The following SLC35F4 variants were observed in gnomAD, a reference collection of about 807,000 sequenced individuals.
The protein encoded by SLC35F4 is solute carrier family 35 member F4.
SLC35F4 carries 24 observed loss-of-function variants against 44.2 expected under a neutral mutation model. That is an observed-to-expected ratio of 0.54 (90% CI 0.39 to 0.76). The LOEUF (loss-of-function observed/expected upper bound fraction) is 0.76. SLC35F4 is among the 30% of genes least tolerant of loss of function. The pLI is 0.00. For missense variants in SLC35F4, 562 were observed against 586.1 expected (o/e 0.96, Z 0.42); for synonymous variants, 238 against 223.6 (o/e 1.06, Z -0.57).
At chr14:57,686,177 C>T (rs1345243657) in intron 1 of SLC35F4, among the ~76,000 whole-genome samples, 1 of 152,090 alleles carries the variant, frequency 6.6e-6, no homozygotes, top group Non-Finnish European at 1.5e-5. Context: ...GGCGTTGATT[C>T]TCATATTACT....
intron 1 of SLC35F4, among the ~76,000 whole-genome samples, chr14:57,908,683 G>T (rs528204534): frequency 6.6e-6 from 1 of 152,080 alleles, no homozygotes; most frequent in Non-Finnish European, 1.5e-5. Context: ...CTGGATATTA[G>T]CCATTTGGCA....
intron 1 of SLC35F4, among the ~76,000 whole-genome samples, chr14:57,715,847 T>G (rs2075925481): frequency 6.6e-6 from 1 of 152,046 alleles, no homozygotes; most frequent in Middle Eastern, 3.4e-3. Flanking sequence ...ATGGCATAGG[T>G]ATATGCCAAG....
intron 1 of SLC35F4, among the ~76,000 whole-genome samples, chr14:57,898,964 C>T (rs1240823056): frequency 6.6e-6 from 1 of 152,090 alleles, no homozygotes; most frequent in Non-Finnish European, 1.5e-5. Flanking sequence ...TATCTTGCTC[C>T]TAGTTGCCAT....
intron 1 of SLC35F4, among the ~76,000 whole-genome samples, chr14:57,602,989 C>G (rs1451850668): frequency 6.6e-6 from 1 of 152,140 alleles, no homozygotes. Flanking sequence ...TACCTCTTAC[C>G]TTGTCCAGAC....
rs150547521 is a variant in SLC35F4, at chr14:57,594,733, G to T, written c.104-609C>A. On this transcript the variant is annotated intron_variant, in intron 1 of 7. Coordinates refer to ENST00000556826, the MANE Select transcript of SLC35F4 (RefSeq NM_001306087.2). ...TTCCTAACTGGTAAAACTGCCAACA[G>T]TGTTTCCAACAAACTGACTATACAC... Among the ~76,000 whole-genome samples the T allele has an allele frequency of 1.6e-3, 246 of 152,286 alleles. 2 individuals are homozygous for T. Among genetic ancestry groups the T allele is most frequent in the Middle Eastern group, 6.8e-3 (2 of 294 alleles).
At chr14:57,791,432 A>G (rs1223034109) in intron 1 of SLC35F4, among the ~76,000 whole-genome samples, 1 of 152,234 alleles carries the variant, frequency 6.6e-6, no homozygotes, top group African/African-American at 2.4e-5. Flanking sequence ...ACAATGAAAT[A>G]CCATCTCATA....
At chr14:57,606,143 A>G (rs1205955625) in intron 1 of SLC35F4, among the ~76,000 whole-genome samples, 1 of 152,218 alleles carries the variant, frequency 6.6e-6, no homozygotes, top group Non-Finnish European at 1.5e-5. Flanking sequence ...AGTCTATGCT[A>G]TATGAAGAAA....
At chr14:57,594,895 G>A (rs2070403476) in intron 1 of SLC35F4, among the ~76,000 whole-genome samples, 1 of 152,122 alleles carries the variant, frequency 6.6e-6, no homozygotes, top group Admixed American at 6.5e-5. Context: ...CAGCCTCATG[G>A]GTCTGCAGCC....
chr14:57,844,020 G>A (rs1051298006), intron 1 of SLC35F4, among the ~76,000 whole-genome samples: 1 of 152,016 alleles, frequency 6.6e-6, no homozygotes, highest in African/African-American at 2.4e-5. Flanking sequence ...TGTTTCCCTT[G>A]TACTCCCCCA....
At chr14:57,676,390 T>C (rs1301649986) in intron 1 of SLC35F4, among the ~76,000 whole-genome samples, 1 of 151,874 alleles carries the variant, frequency 6.6e-6, no homozygotes, top group East Asian at 1.9e-4. Flanking sequence ...TGAGAACACA[T>C]GGACGCAGGG....
At chr14:57,767,699 G>A (rs559313358) in intron 1 of SLC35F4, among the ~76,000 whole-genome samples, 1 of 151,522 alleles carries the variant, frequency 6.6e-6, no homozygotes, top group East Asian at 1.9e-4. Context: ...TTGAAAATAG[G>A]TAAATAATAA....
intron 6 of SLC35F4, 51 bp downstream of exon 6, chr14:57,569,737 C>G (rs2068391100): frequency 1.4e-6 from 2 of 1,473,566 alleles, no homozygotes; most frequent in Admixed American, 2.5e-5. Flanking sequence ...ATCTAACTAG[C>G]CAAAGAAAGA....
intron 1 of SLC35F4, among the ~76,000 whole-genome samples, chr14:57,880,448 C>T (rs1312775070): frequency 3.9e-5 from 6 of 152,106 alleles, no homozygotes; most frequent in Non-Finnish European, 8.8e-5. Flanking sequence ...AATTCCCATC[C>T]TCATCTGGAG....
At chr14:57,918,731 C>A (rs1352569067) in intron 1 of SLC35F4, among the ~76,000 whole-genome samples, 2 of 152,154 alleles carry the variant, frequency 1.3e-5, no homozygotes, top group Non-Finnish European at 2.9e-5. Context: ...TTCTATAGAA[C>A]TTGCCAAAGT....
intron 6 of SLC35F4, among the ~76,000 whole-genome samples, chr14:57,569,536 C>T (rs1276629057): frequency 6.6e-6 from 1 of 152,158 alleles, no homozygotes; most frequent in African/African-American, 2.4e-5. Context: ...GGATTGAAGG[C>T]CAGTGGTATA....
intron 1 of SLC35F4, among the ~76,000 whole-genome samples, chr14:57,805,273 T>C (rs1366526089): frequency 1.3e-5 from 2 of 152,224 alleles, no homozygotes. Flanking sequence ...TTACTGGGTA[T>C]ATACCCAAAG....
At chr14:57,846,491 A>G (rs978305902) in intron 1 of SLC35F4, among the ~76,000 whole-genome samples, 2 of 152,226 alleles carry the variant, frequency 1.3e-5, no homozygotes, top group African/African-American at 4.8e-5. Context: ...AGCCCAAGTC[A>G]CAGGACAATT....
At chr14:57,655,327 G>A (rs2073929975) in intron 1 of SLC35F4, among the ~76,000 whole-genome samples, 1 of 152,042 alleles carries the variant, frequency 6.6e-6, no homozygotes, top group Non-Finnish European at 1.5e-5. Context: ...CTGAGTGCTG[G>A]GGAGAACAAG....
intron 1 of SLC35F4, among the ~76,000 whole-genome samples, chr14:57,749,012 T>C (rs1455642225): frequency 3.3e-5 from 5 of 152,138 alleles, no homozygotes; most frequent in Non-Finnish European, 7.4e-5. Flanking sequence ...CAGATGAAGA[T>C]ACAAAGGCCC....
Sources: gnomAD v4.1 joint callset for allele counts (sites outside exome capture counted in the v4.1 genomes callset) on GRCh38, gnomAD v4.1.1 for gene constraint, MANE v1.5 for transcripts, NCBI Gene and HGNC (gene_info 2026-07-23, HGNC 2026-07-21) for gene names.